The following ASPRV1 variants were observed in gnomAD, a reference collection of about 807,000 sequenced individuals.
ASPRV1 encodes aspartic peptidase retroviral like 1.
A neutral mutation model predicts 11.0 loss-of-function variants in ASPRV1; 7 were observed. That is an observed-to-expected ratio of 0.64 (90% CI 0.36 to 1.20). The LOEUF (loss-of-function observed/expected upper bound fraction) is 1.20. Ranked by LOEUF, ASPRV1 falls within the 50% of genes most tolerant of loss-of-function variation. ASPRV1 has a pLI of 0.02. For synonymous variants in ASPRV1, 136 were observed against 138.4 expected (o/e 0.98, Z 0.12); for missense variants, 299 against 320.0 (o/e 0.93, Z 0.50).
the ASPRV1 span, among the ~76,000 whole-genome samples, chr2:69,972,235 G>A: frequency 6.6e-6 from 1 of 150,868 alleles, no homozygotes; most frequent in Non-Finnish European, 1.5e-5. Context: ...CTAATTTTTT[G>A]TATTTTTAGT....
the ASPRV1 span, among the ~76,000 whole-genome samples, chr2:69,948,722 G>T: frequency 6.6e-6 from 1 of 152,146 alleles, no homozygotes; most frequent in Non-Finnish European, 1.5e-5. Context: ...TGCCTCCGGG[G>T]CCACCGGACC....
At chr2:70,056,500 G>C in the ASPRV1 span, 1 of 149,336 alleles carries the variant, frequency 6.7e-6, no homozygotes, top group East Asian at 2.0e-4. Flanking sequence ...AGCTACTCGG[G>C]AGGCTGAGGC....
At chr2:70,062,133 C>CA in the ASPRV1 span, among the ~76,000 whole-genome samples, 15 of 150,656 alleles carry the variant, frequency 1.0e-4, no homozygotes, top group African/African-American at 3.2e-4. Flanking sequence ...ACTAAAAATA[C>CA]AAAAAATTAA....
the ASPRV1 span, among the ~76,000 whole-genome samples, chr2:69,998,490 C>G: frequency 6.6e-6 from 1 of 152,142 alleles, no homozygotes; most frequent in East Asian, 1.9e-4. Context: ...GCCTGTAATC[C>G]CAGCACTTTG....
chr2:69,967,353 G>C, the ASPRV1 span, among the ~76,000 whole-genome samples: 29 of 152,318 alleles, frequency 1.9e-4, no homozygotes, highest in African/African-American at 6.7e-4. Flanking sequence ...CCAGGTATCA[G>C]CCAGTATCAC....
chr2:70,087,237 A>C, the ASPRV1 span: 1 of 152,172 alleles, frequency 6.6e-6, no homozygotes, highest in Non-Finnish European at 1.5e-5. Flanking sequence ...GTGCCGTTAG[A>C]GTTAATAAAA....
chr2:69,998,793 C>T, the ASPRV1 span, among the ~76,000 whole-genome samples: 1 of 152,094 alleles, frequency 6.6e-6, no homozygotes, highest in Non-Finnish European at 1.5e-5. Flanking sequence ...GGAAAAGATC[C>T]CCAGAGCTAA....
the ASPRV1 span, among the ~76,000 whole-genome samples, chr2:69,984,167 T>C: frequency 6.6e-6 from 1 of 152,134 alleles, no homozygotes; most frequent in Admixed American, 6.6e-5. Flanking sequence ...GCCTCCCAAG[T>C]AGCTGGGATT....
chr2:70,000,533 T>A, the ASPRV1 span: 1 of 151,444 alleles, frequency 6.6e-6, no homozygotes, highest in African/African-American at 2.4e-5. Flanking sequence ...CTCACGCCTG[T>A]AATCCCAACA....
chr2:70,067,213 T>C, the ASPRV1 span, among the ~76,000 whole-genome samples: 3 of 152,266 alleles, frequency 2.0e-5, no homozygotes, highest in South Asian at 2.1e-4. Flanking sequence ...TAGTGACTGG[T>C]TGTCAGACGT....
At chr2:70,043,635 C>A in the ASPRV1 span, among the ~76,000 whole-genome samples, 1 of 152,184 alleles carries the variant, frequency 6.6e-6, no homozygotes, top group Non-Finnish European at 1.5e-5. Context: ...AGAAGTTGTC[C>A]GTGACCACCA....
At chr2:70,069,840 T>C in the ASPRV1 span, among the ~76,000 whole-genome samples, 1 of 152,034 alleles carries the variant, frequency 6.6e-6, no homozygotes, top group Non-Finnish European at 1.5e-5. Flanking sequence ...TTCACCTTTC[T>C]GAGTTCTATA....
At chr2:69,976,262 C>T in the ASPRV1 span, 6 of 152,644 alleles carry the variant, frequency 3.9e-5, no homozygotes, top group African/African-American at 1.4e-4. Flanking sequence ...TGATTTTGGT[C>T]TTCTTGTAGT....
the ASPRV1 span, chr2:69,938,014 T>A: frequency 7.3e-7 from 1 of 1,368,234 alleles, no homozygotes; most frequent in Admixed American, 2.0e-5. Flanking sequence ...CCCAAAGTGC[T>A]GGGATTACAA....
the ASPRV1 span, among the ~76,000 whole-genome samples, chr2:70,009,610 G>C: frequency 7.9e-5 from 12 of 152,266 alleles, no homozygotes; most frequent in East Asian, 2.3e-3. Context: ...GATTACAGGC[G>C]TGAGCCACCA....
chr2:69,943,236 C>A, the ASPRV1 span, among the ~76,000 whole-genome samples: 2 of 152,148 alleles, frequency 1.3e-5, no homozygotes, highest in Non-Finnish European at 2.9e-5. Context: ...GTTTTGGGTG[C>A]CTCTAATGAT....
At chr2:70,057,223 G>A in the ASPRV1 span, among the ~76,000 whole-genome samples, 1 of 151,482 alleles carries the variant, frequency 6.6e-6, no homozygotes, top group African/African-American at 2.4e-5. Context: ...GCAACACAGG[G>A]AAAACCCATC....
At chr2:69,978,520 C>G in the ASPRV1 span, among the ~76,000 whole-genome samples, 4 of 152,222 alleles carry the variant, frequency 2.6e-5, no homozygotes, top group South Asian at 8.3e-4. Flanking sequence ...AAGGAGATAA[C>G]GCATAACAGC....
the ASPRV1 span, among the ~76,000 whole-genome samples, chr2:70,082,509 G>C: frequency 6.6e-6 from 1 of 152,036 alleles, no homozygotes; most frequent in South Asian, 2.1e-4. Flanking sequence ...TCAGGAGTTC[G>C]AGGCCAGCCT....
Sources: allele counts gnomAD v4.1 joint callset (sites outside exome capture counted in the v4.1 genomes callset), GRCh38; gene constraint gnomAD v4.1.1; transcripts MANE v1.5; gene names NCBI Gene and HGNC (gene_info 2026-07-23, HGNC 2026-07-21).